CFAP299: variants seen among roughly 807,000 people sequenced by gnomAD.
The protein encoded by CFAP299 is cilia- and flagella-associated protein 299.
CFAP299 carries 21 observed loss-of-function variants against 27.0 expected under a neutral mutation model. The observed-to-expected ratio is 0.78, with a 90% confidence interval of 0.55 to 1.12. The LOEUF (loss-of-function observed/expected upper bound fraction) is 1.12. CFAP299 is among the 50% of genes most tolerant of loss of function. The pLI, the probability that CFAP299 is intolerant of heterozygous loss-of-function variation, is 0.00. For missense variants in CFAP299, 310 were observed against 276.6 expected, an observed-to-expected ratio of 1.12 and a Z score of -0.86; for synonymous variants, 104 against 98.1, an observed-to-expected ratio of 1.06 and a Z score of -0.36.
intron 3 of CFAP299, among the ~76,000 whole-genome samples, chr4:80,655,936 C>G (rs1740534688): frequency 6.6e-6 from 1 of 152,158 alleles, no homozygotes; most frequent in African/African-American, 2.4e-5. Context: ...GTTCTTGCTT[C>G]TCTTGCTTCT....
intron 3 of CFAP299, among the ~76,000 whole-genome samples, chr4:80,659,173 A>T (rs899000805): frequency 2.6e-5 from 4 of 152,144 alleles, no homozygotes; most frequent in African/African-American, 9.6e-5. Flanking sequence ...GGGCAGTTAA[A>T]AATATAAAAT....
chr4:80,895,638 A>G (rs1734576387), intron 4 of CFAP299, among the ~76,000 whole-genome samples: 1 of 152,042 alleles, frequency 6.6e-6, no homozygotes, highest in Non-Finnish European at 1.5e-5. Context: ...TACTCCCTCA[A>G]TAAAAATGTG....
chr4:80,767,105 A>G (rs1381520713), intron 3 of CFAP299, among the ~76,000 whole-genome samples: 1 of 152,170 alleles, frequency 6.6e-6, no homozygotes, highest in Non-Finnish European at 1.5e-5. Flanking sequence ...CTATACGTAC[A>G]TATACAAATA....
intron 3 of CFAP299, among the ~76,000 whole-genome samples, chr4:80,799,932 ATAT>A (rs1236354372): frequency 2.0e-5 from 1 of 49,664 alleles, no homozygotes; most frequent in East Asian, 8.1e-4. Flanking sequence ...ATATATTTAT[ATAT>A]TATATTATAT....
intron 3 of CFAP299, among the ~76,000 whole-genome samples, chr4:80,656,984 G>C (rs1435698385): frequency 6.6e-6 from 1 of 152,112 alleles, no homozygotes; most frequent in Non-Finnish European, 1.5e-5. Flanking sequence ...CTGTGATGAT[G>C]AGCTTTTTTT....
At chr4:80,398,057 A>G (rs959956561) in intron 2 of CFAP299, among the ~76,000 whole-genome samples, 1 of 152,180 alleles carries the variant, frequency 6.6e-6, no homozygotes, top group African/African-American at 2.4e-5. Flanking sequence ...ACAAACAGAG[A>G]GCCAAATCAT....
At chr4:80,449,731 A>G (rs1031971872) in intron 2 of CFAP299, among the ~76,000 whole-genome samples, 2 of 151,782 alleles carry the variant, frequency 1.3e-5, no homozygotes, top group Non-Finnish European at 1.5e-5. Flanking sequence ...ACTGTTTTGT[A>G]TCATTTCTAA....
intron 2 of CFAP299, among the ~76,000 whole-genome samples, chr4:80,553,622 C>T (rs1307850636): frequency 6.6e-6 from 1 of 152,134 alleles, no homozygotes; most frequent in African/African-American, 2.4e-5. Context: ...GCACTGCCAC[C>T]AACAGTGTGT....
chr4:80,937,195 A>T (rs1736932951), intron 4 of CFAP299, among the ~76,000 whole-genome samples: 1 of 151,230 alleles, frequency 6.6e-6, no homozygotes, highest in Non-Finnish European at 1.5e-5. Context: ...TTATACAATG[A>T]CCTTCTATTT....
intron 3 of CFAP299, among the ~76,000 whole-genome samples, chr4:80,857,479 G>A (rs1292844028): frequency 6.6e-6 from 1 of 152,060 alleles, no homozygotes; most frequent in Non-Finnish European, 1.5e-5. Flanking sequence ...TCCCTGTCTT[G>A]TGCCAGTTTT....
intron 3 of CFAP299, among the ~76,000 whole-genome samples, chr4:80,624,668 A>T (rs926086487): frequency 9.2e-5 from 14 of 152,154 alleles, no homozygotes; most frequent in Non-Finnish European, 1.5e-4. Context: ...TGCAAATAAG[A>T]CTATTTTAAA....
chr4:80,657,981 C>T (rs977162358), intron 3 of CFAP299, among the ~76,000 whole-genome samples: 1 of 152,034 alleles, frequency 6.6e-6, no homozygotes, highest in Non-Finnish European at 1.5e-5. Flanking sequence ...GTATTTTATT[C>T]TCTTTGTAGC....
intron 2 of CFAP299, among the ~76,000 whole-genome samples, chr4:80,570,892 T>G (rs1370303916): frequency 6.6e-6 from 1 of 152,100 alleles, no homozygotes; most frequent in East Asian, 1.9e-4. Context: ...TACAGCTACA[T>G]GCACCAACAT....
At chr4:80,603,423 C>T (rs1303283119) in intron 3 of CFAP299, among the ~76,000 whole-genome samples, 1 of 152,098 alleles carries the variant, frequency 6.6e-6, no homozygotes. Flanking sequence ...TATGCCTACA[C>T]ATATATACAT....
chr4:80,741,848 TG>T (rs1469281564), intron 3 of CFAP299, among the ~76,000 whole-genome samples: 1 of 152,190 alleles, frequency 6.6e-6, no homozygotes, highest in African/African-American at 2.4e-5. Flanking sequence ...TGAGGCTTGC[TG>T]GAAACTCAAG....
chr4:80,824,114 G>A (rs182514050), intron 3 of CFAP299, among the ~76,000 whole-genome samples: 2 of 152,212 alleles, frequency 1.3e-5, no homozygotes, highest in Non-Finnish European at 2.9e-5. Flanking sequence ...GGTTGATGGA[G>A]TAGGAAGCAC....
intron 3 of CFAP299, among the ~76,000 whole-genome samples, chr4:80,648,624 A>C (rs997670303): frequency 6.6e-6 from 1 of 152,172 alleles, no homozygotes; most frequent in Non-Finnish European, 1.5e-5. Flanking sequence ...ATGAACTATG[A>C]TTTTCTTAAT....
chr4:80,488,474 C>CTTT (rs35951592), intron 2 of CFAP299, among the ~76,000 whole-genome samples: 22 of 136,544 alleles, frequency 1.6e-4, no homozygotes, highest in African/African-American at 5.0e-4. Flanking sequence ...TGGTAAACAC[C>CTTT]TTTTTTTTTT....
intron 3 of CFAP299, among the ~76,000 whole-genome samples, chr4:80,863,476 AG>A (rs1204377016): frequency 6.6e-6 from 1 of 152,158 alleles, no homozygotes; most frequent in African/African-American, 2.4e-5. Flanking sequence ...GTATTGCATA[AG>A]TCTTTTCAAC....
Sources: gnomAD v4.1 joint callset for allele counts (sites outside exome capture counted in the v4.1 genomes callset) on GRCh38, gnomAD v4.1.1 for gene constraint, MANE v1.5 for transcripts, NCBI Gene and HGNC (gene_info 2026-07-23, HGNC 2026-07-21) for gene names.